The following TMEM232 variants were observed in gnomAD, a reference collection of about 807,000 sequenced individuals.
TMEM232 encodes transmembrane protein 232.
TMEM232 carries 80 observed loss-of-function variants against 78.8 expected under a neutral mutation model. The ratio of observed to expected loss-of-function variants is 1.01; its 90% CI spans 0.85 to 1.22. The LOEUF (loss-of-function observed/expected upper bound fraction) is 1.22, where lower values mean the gene tolerates loss of function less well. Among genes scored for constraint, TMEM232 ranks in the 50% most tolerant of loss-of-function variants. The pLI is 0.00. For missense variants in TMEM232, 881 were observed against 742.2 expected (o/e 1.19, Z -2.17); for synonymous variants, 297 against 254.3 (o/e 1.17, Z -1.60).
intron 12 of TMEM232, among the ~76,000 whole-genome samples, chr5:110,520,151 A>G (rs1561613754): frequency 6.6e-6 from 1 of 151,834 alleles, no homozygotes; most frequent in Non-Finnish European, 1.5e-5. Flanking sequence ...ATTTCAAAAT[A>G]AAAGGGTGGA....
chr5:110,701,978 T>C (rs1795479461), intron 1 of TMEM232, among the ~76,000 whole-genome samples: 1 of 151,954 alleles, frequency 6.6e-6, no homozygotes, highest in Admixed American at 6.6e-5. Flanking sequence ...TAAATCCAAA[T>C]TGAGTAACTA....
intron 1 of TMEM232, among the ~76,000 whole-genome samples, chr5:110,707,940 A>G (rs1796104074): frequency 6.6e-6 from 1 of 152,156 alleles, no homozygotes; most frequent in Admixed American, 6.6e-5. Context: ...CTTGAAGGGA[A>G]GAACTCAGTC....
intron 12 of TMEM232, among the ~76,000 whole-genome samples, chr5:110,467,616 A>C (rs1298047700): frequency 6.6e-6 from 1 of 152,238 alleles, no homozygotes; most frequent in Non-Finnish European, 1.5e-5. Context: ...ACAAATACAT[A>C]AAAATTTACG....
At chr5:110,738,900 G>A (rs998057772), upstream of TMEM232, 19 of 1,257,634 alleles carry the variant, frequency 1.5e-5, 1 homozygote, top group South Asian at 1.9e-4. Flanking sequence ...TAAGGTCCAG[G>A]TTACCGCCGC....
intron 2 of TMEM232, among the ~76,000 whole-genome samples, chr5:110,643,423 G>C (rs1787027321): frequency 6.6e-6 from 1 of 152,006 alleles, no homozygotes; most frequent in Admixed American, 6.6e-5. Flanking sequence ...GGATCCCATA[G>C]GGAAAATGTA....
At chr5:110,682,235 T>A (rs1792842530) in intron 1 of TMEM232, among the ~76,000 whole-genome samples, 1 of 152,206 alleles carries the variant, frequency 6.6e-6, no homozygotes, top group Non-Finnish European at 1.5e-5. Context: ...ATATCCTTTT[T>A]ATTTTCTACA....
rs917769129 is a variant in TMEM232 at position 110,389,529 on chromosome 5, G to A, written n.615+887C>T. Among the ~76,000 whole-genome samples, 12 of 152,074 alleles carry A rather than the reference G, an allele frequency of 7.9e-5. 1 individual carries two copies. In the East Asian group the frequency reaches 2.3e-3, roughly 29 times the overall value. ...AGATTCAAGACACTTGATAAACCTCGGTGAAAAATTTGTGTTGAAATCAAA... is the reference window on the plus strand; with the variant it reads ...AGATTCAAGACACTTGATAAACCTCAGTGAAAAATTTGTGTTGAAATCAAA... On this transcript the variant is annotated intron_variant and non_coding_transcript_variant, in intron 4 of 8. Transcript: ENST00000507188.
chr5:110,558,270 T>G (rs977618504), intron 11 of TMEM232, among the ~76,000 whole-genome samples: 5 of 152,102 alleles, frequency 3.3e-5, no homozygotes, highest in Non-Finnish European at 7.4e-5. Context: ...CCCACTCTTA[T>G]GTACCAGTAG....
chr5:110,401,563 G>A (rs1484698132), intron 2 of TMEM232, among the ~76,000 whole-genome samples: 2 of 151,958 alleles, frequency 1.3e-5, no homozygotes, highest in African/African-American at 4.8e-5. Flanking sequence ...TTATGCTGTG[G>A]TAGCTTGTTC....
chr5:110,483,217 T>G (rs1764083921), intron 12 of TMEM232, among the ~76,000 whole-genome samples: 1 of 152,108 alleles, frequency 6.6e-6, no homozygotes, highest in African/African-American at 2.4e-5. Context: ...TGTGCACTGT[T>G]GAAATTAAAT....
At chr5:110,484,583 G>A (rs975384702) in intron 12 of TMEM232, among the ~76,000 whole-genome samples, 9 of 151,934 alleles carry the variant, frequency 5.9e-5, no homozygotes, top group Non-Finnish European at 1.3e-4. Flanking sequence ...GAGACACACT[G>A]TAGATTGAAA....
intron 8 of TMEM232, among the ~76,000 whole-genome samples, chr5:110,616,944 G>A (rs1445342155): frequency 6.6e-6 from 1 of 152,102 alleles, no homozygotes; most frequent in African/African-American, 2.4e-5. Context: ...TCCCAAAAAA[G>A]TGAAATCAGT....
chr5:110,629,510 A>G (rs1007465372), intron 5 of TMEM232, among the ~76,000 whole-genome samples: 1 of 152,070 alleles, frequency 6.6e-6, no homozygotes, highest in Admixed American at 6.6e-5. Context: ...TTATTTGTGT[A>G]CATATTCTCT....
intron 12 of TMEM232, among the ~76,000 whole-genome samples, chr5:110,487,623 C>G (rs556717941): frequency 1.4e-4 from 21 of 151,972 alleles, no homozygotes; most frequent in African/African-American, 4.6e-4. Context: ...TACTAACTTG[C>G]ATGTTAAACC....
At chr5:110,490,570 A>T (rs1479142523) in intron 12 of TMEM232, among the ~76,000 whole-genome samples, 1 of 152,156 alleles carries the variant, frequency 6.6e-6, no homozygotes, top group African/African-American at 2.4e-5. Flanking sequence ...CTTTAAAAAG[A>T]ATAATAAAAC....
chr5:110,668,796 A>T (rs1236454206), intron 1 of TMEM232, among the ~76,000 whole-genome samples: 1 of 152,174 alleles, frequency 6.6e-6, no homozygotes, highest in Non-Finnish European at 1.5e-5. Context: ...CCACAGTGTA[A>T]TCAAACTAGA....
intron 10 of TMEM232, among the ~76,000 whole-genome samples, chr5:110,592,687 CA>C (rs1411427059): frequency 1.3e-5 from 2 of 152,014 alleles, no homozygotes; most frequent in South Asian, 2.1e-4. Context: ...AAAAAACAAA[CA>C]AAAAAAGCTA....
intron 2 of TMEM232, among the ~76,000 whole-genome samples, chr5:110,414,245 TACAC>T (rs1377154833): frequency 3.3e-5 from 5 of 152,224 alleles, no homozygotes; most frequent in African/African-American, 7.2e-5. Context: ...TTGCTTGTTT[TACAC>T]ACACACATAC....
At chr5:110,571,687 G>GT (rs202119745) in intron 10 of TMEM232, among the ~76,000 whole-genome samples, 6,731 of 147,408 alleles carry the variant, frequency 0.046, 193 homozygotes, top group Non-Finnish European at 0.07. Context: ...TGTTTGTTTT[G>GT]TTTTTTTGTT....
Sources: gnomAD v4.1 joint callset for allele counts (sites outside exome capture counted in the v4.1 genomes callset) on GRCh38, gnomAD v4.1.1 for gene constraint, MANE v1.5 for transcripts, NCBI Gene and HGNC (gene_info 2026-07-23, HGNC 2026-07-21) for gene names.